CZIB: variants seen among roughly 807,000 people sequenced by gnomAD.
CZIB encodes UPF0587 protein C1orf123.
CZIB carries 26 observed loss-of-function variants against 28.3 expected under a neutral mutation model. That is an observed-to-expected ratio of 0.92 (90% CI 0.67 to 1.27). The LOEUF (loss-of-function observed/expected upper bound fraction) is 1.27. Ranked by LOEUF, CZIB falls within the 50% of genes most tolerant of loss-of-function variation. The pLI, the probability that CZIB is intolerant of heterozygous loss-of-function variation, is 0.00. For missense variants in CZIB, 179 were observed against 197.3 expected (o/e 0.91, Z 0.56); for synonymous variants, 78 against 71.1 (o/e 1.10, Z -0.49).
intron 3 of CZIB, 91 bp downstream of exon 3, chr1:53,218,776 A>C: frequency 7.7e-7 from 1 of 1,297,732 alleles, no homozygotes; most frequent in Non-Finnish European, 1.1e-6. Context: ...AAAGAACTGG[A>C]GAGATGAAGG....
chr1:53,215,629 A>G (rs745865905), intron 7 of CZIB, among the ~76,000 whole-genome samples: 63 of 152,362 alleles, frequency 4.1e-4, no homozygotes, highest in South Asian at 1.2e-3. Flanking sequence ...TTAGGTTCCT[A>G]TGAGCCTCTG....
At position 53,214,537 on chromosome 1, in the gene CZIB, T is replaced by C. The variant is rs188268218; in HGVS notation, c.*122A>G. On this transcript the variant is annotated 3_prime_UTR_variant, in exon 8 of 8. Transcript: ENST00000294360. ...GCTGTAATAAAGTCCAGCATGCAGA[T>C]TGTGAAGGTTTCGTATAGCCACCAG... 6.6e-5 allele frequency: 50 copies of C among 751,982 alleles called. No individual in the cohort carries two copies. Among genetic ancestry groups the C allele is most frequent in the Middle Eastern group, 3.8e-4 (1 of 2,628 alleles). 46.6% of individuals were successfully genotyped at this position (751,982 alleles called of 1,614,324 possible).
chr1:53,216,662 T>C (rs1183284795), intron 6 of CZIB, 120 bp downstream of exon 6: 2 of 903,346 alleles, frequency 2.2e-6, no homozygotes, highest in East Asian at 2.5e-5. Context: ...GGGACAATTA[T>C]TACTACCGCT....
chr1:53,215,604 C>T (rs553501375), intron 7 of CZIB, among the ~76,000 whole-genome samples: 3 of 152,274 alleles, frequency 2.0e-5, no homozygotes, highest in African/African-American at 4.8e-5. Context: ...GAATACTCCC[C>T]GGGGAAATAC....
In CZIB at chr1:53,214,871, C is replaced by T. The variant is rs1265372898; in HGVS notation, c.406-135G>A. The T allele has an allele frequency of 6.4e-6, 4 of 624,528 alleles. No homozygotes were observed. In the African/African-American group the frequency reaches 7.3e-5, roughly 11 times the overall value. The allele number at this position is 624,528 out of a possible 1,614,324, so 38.7% of individuals were successfully genotyped here. ...GAACATGTATGACCCTGAACAGAGC[C>T]AGATAGCTCAGGCCTGAATTCTAGC... On this transcript the variant is annotated intron_variant, in intron 7 of 7. Coordinates refer to ENST00000294360, the MANE Select transcript of CZIB (RefSeq NM_017887.3).
Position 53,218,398 on chromosome 1 carries a change from G to C in CZIB, c.229+16C>G. ...GGGCCACCCTGGCAGAACTCAGTAC[G>C]CACAGCCTGACCTACCGATGGAATT... is the stretch of plus-strand genomic sequence containing the variant. On this transcript the variant is annotated intron_variant, in intron 4 of 7. Coordinates refer to ENST00000294360, the MANE Select transcript of CZIB (RefSeq NM_017887.3). 1 of 1,613,854 alleles carries C rather than the reference G, an allele frequency of 6.2e-7. No homozygotes were observed. Among genetic ancestry groups the C allele is most frequent in the Non-Finnish European group, 8.5e-7 (1 of 1,179,758 alleles).
chr1:53,216,114 G>A (rs180739194), intron 6 of CZIB, 58 bp from the exon 7 acceptor site: 2 of 1,543,322 alleles, frequency 1.3e-6, no homozygotes, highest in East Asian at 4.5e-5. Context: ...TGGGCTATAA[G>A]TAAGGGCCGG....
intron 5 of CZIB, chr1:53,217,265 A>C: frequency 5.9e-6 from 1 of 168,422 alleles, no homozygotes; most frequent in Non-Finnish European, 1.3e-5. Flanking sequence ...CACCAAAAAT[A>C]TGAACAAGAA....
chr1:53,220,629 C>G lies in CZIB; in HGVS notation c.-54G>C. 1 of 1,587,860 alleles carries G rather than the reference C, an allele frequency of 6.3e-7. No individual in the cohort carries two copies. Among genetic ancestry groups the G allele is most frequent in the South Asian group, 1.1e-5 (1 of 90,032 alleles). On this transcript the variant is annotated 5_prime_UTR_variant, in exon 1 of 8. Coordinates refer to ENST00000294360, the MANE Select transcript of CZIB (RefSeq NM_017887.3). ...CGGCCCTTGCCGTTGCTTTCCGGCGCGTCGTAAAAGGCGGGTGCCGTCTGC... is the reference window on the plus strand; with the variant it reads ...CGGCCCTTGCCGTTGCTTTCCGGCGGGTCGTAAAAGGCGGGTGCCGTCTGC...
At chr1:53,218,587 A>G in intron 3 of CZIB, 92 bp from the exon 4 acceptor site, 2 of 1,289,514 alleles carry the variant, frequency 1.6e-6, no homozygotes, top group Non-Finnish European at 2.2e-6. Context: ...CCACTTAAAG[A>G]GACCAAGACC....
At chr1:53,218,758 C>G in intron 3 of CZIB, 109 bp downstream of exon 3, 1 of 1,162,950 alleles carries the variant, frequency 8.6e-7, no homozygotes, top group South Asian at 1.3e-5. Context: ...CCACAAAAAG[C>G]AGGGAGCAAA....
chr1:53,220,209 A>C (rs1165851680), intron 2 of CZIB, 52 bp downstream of exon 2: 26 of 1,492,840 alleles, frequency 1.7e-5, no homozygotes, highest in Non-Finnish European at 2.3e-5. Flanking sequence ...GCTCCGGTTC[A>C]GCACTGAGAT....
chr1:53,217,864 G>A (rs1459524738), intron 5 of CZIB: 4 of 365,660 alleles, frequency 1.1e-5, no homozygotes, highest in African/African-American at 4.1e-5. Flanking sequence ...TGGTTTCAGA[G>A]AAAGCTTGCT....
At position 53,214,763 on chromosome 1, in the gene CZIB, C is replaced by T. The variant is rs1387723862; in HGVS notation, c.406-27G>A. On this transcript the variant is annotated intron_variant, in intron 7 of 7. Coordinates refer to ENST00000294360, the MANE Select transcript of CZIB (RefSeq NM_017887.3). ...TGGGAAACAAAATGGCATTGTTAGC[C>T]TCACAACGCAGAATGCAGCCATGTG... 5 of 1,600,902 alleles carry T rather than the reference C, an allele frequency of 3.1e-6. No individual in the cohort carries two copies. The East Asian group carries it at 6.7e-5, about 21-fold the overall frequency.
chr1:53,220,554 G>T lies in CZIB; in HGVS notation c.6+16C>A, dbSNP rs1353903508. 6.3e-7 allele frequency: 1 copy of T among 1,599,344 alleles called. No homozygotes were observed. The highest frequency in any genetic ancestry group is 8.5e-7 in the Non-Finnish European group (1 of 1,179,638). ...ACCTCCCCTCCGTGTCCCCGCGGCG[G>T]GCGGCCTCCCCTCACCCCCATGGTA... On this transcript the variant is annotated intron_variant, in intron 1 of 7. Coordinates refer to ENST00000294360, the MANE Select transcript of CZIB (RefSeq NM_017887.3).
At chr1:53,216,625 G>C (rs569069537) in intron 6 of CZIB, among the ~76,000 whole-genome samples, 157 bp downstream of exon 6, 2 of 152,308 alleles carry the variant, frequency 1.3e-5, no homozygotes, top group Non-Finnish European at 2.9e-5. Flanking sequence ...GATGGCATGG[G>C]TGCCCAAGCA....
At chr1:53,218,958 C>T (rs1378677222) in intron 2 of CZIB, 35 bp from the exon 3 acceptor site, 3 of 1,572,846 alleles carry the variant, frequency 1.9e-6, no homozygotes, top group Admixed American at 1.7e-5. Context: ...AAGCAGCTGG[C>T]TCTGCTGCAC....
rs748257393 is a variant in CZIB at position 53,220,349 on chromosome 1, G to C, written c.7-5C>G. The stretch of plus-strand genomic sequence containing the variant: ...TTTGAGTTGCAGCGCGATTTTCTGA[G>C]GGGGAGGGCCAGAGCGACTGCGTCA... On this transcript the variant is annotated splice_region_variant and splice_polypyrimidine_tract_variant and intron_variant, in intron 1 of 7. Coordinates refer to ENST00000294360, the MANE Select transcript of CZIB (RefSeq NM_017887.3). 7 of 1,612,032 alleles carry C rather than the reference G, an allele frequency of 4.3e-6. No individual in the cohort carries two copies. Among genetic ancestry groups the C allele is most frequent in the Admixed American group, 3.3e-5 (2 of 60,014 alleles).
At chr1:53,218,632 G>A (rs1356317799) in intron 3 of CZIB, 137 bp from the exon 4 acceptor site, 8 of 941,904 alleles carry the variant, frequency 8.5e-6, no homozygotes, top group African/African-American at 6.7e-5. Flanking sequence ...AGACTCCTGG[G>A]AAGGCTTCCT....
Sources: allele counts gnomAD v4.1 joint callset (sites outside exome capture counted in the v4.1 genomes callset), GRCh38; gene constraint gnomAD v4.1.1; transcripts MANE v1.5; gene names NCBI Gene and HGNC (gene_info 2026-07-23, HGNC 2026-07-21).